The following MCU variants were observed in gnomAD, a reference collection of about 807,000 sequenced individuals.
MCU encodes mitochondrial calcium uniporter.
Under a neutral mutation model 45.2 loss-of-function variants are expected in MCU, and 12 were observed. That is an observed-to-expected ratio of 0.27 (90% CI 0.17 to 0.43). The LOEUF is 0.43. MCU is among the 20% of genes least tolerant of loss of function. The probability of loss-of-function intolerance (pLI) is 1.00; values close to 1 mark genes in which losing one functional copy is unlikely to be tolerated. For missense variants in MCU, 324 were observed against 436.7 expected, an observed-to-expected ratio of 0.74 and a Z score of 2.30; for synonymous variants, 160 against 165.1, an observed-to-expected ratio of 0.97 and a Z score of 0.24.
intron 1 of MCU, among the ~76,000 whole-genome samples, chr10:72,693,455 TCAATAAA>T (rs894790430): frequency 1.1e-4 from 17 of 152,254 alleles, no homozygotes; most frequent in African/African-American, 4.1e-4. Context: ...CCTTCAACCC[TCAATAAA>T]CACATCGCCT....
chr10:72,885,817 G>C lies in MCU; in HGVS notation c.1051G>C (p.Asp351His), dbSNP rs766307644. 6.2e-7 allele frequency: 1 copy of C among 1,613,240 alleles called. No individual in the cohort carries two copies. The highest frequency in any genetic ancestry group is 1.1e-5 in the South Asian group (1 of 91,042). Residue 351 changes from aspartate to histidine, a missense_variant, in exon 8 of 8, where the codon GAT (aspartate) becomes CAT (histidine). By Grantham distance (81) the Asp-to-His change is moderately conservative (BLOSUM62 -1). Around this residue, in one of 4 missense-constraint regions of MCU, gnomAD observed 76 missense variants for 99.4 expected, o/e 0.76. Coordinates refer to ENST00000373053, the MANE Select transcript of MCU (RefSeq NM_138357.3). ...GCCTCTCCGACAAATTGGTGAAAAAGATTGATCTGCAAAAAGCCTCTGAAT... is the reference window on the plus strand; with the variant it reads ...GCCTCTCCGACAAATTGGTGAAAAACATTGATCTGCAAAAAGCCTCTGAAT... ...HLPLRQIGEK[D>H]
intron 6 of MCU, 71 bp from the exon 7 acceptor site, chr10:72,884,195 G>C: frequency 1.1e-6 from 1 of 903,530 alleles, no homozygotes; most frequent in Non-Finnish European, 1.8e-6. Flanking sequence ...TTGAATCTAA[G>C]CAGCAGTTAG....
chr10:72,842,680 A>G (rs1845064827), intron 2 of MCU, among the ~76,000 whole-genome samples: 1 of 152,018 alleles, frequency 6.6e-6, no homozygotes, highest in Non-Finnish European at 1.5e-5. Context: ...ATTTCTTTTT[A>G]AAAACCAGGA....
intron 1 of MCU, among the ~76,000 whole-genome samples, chr10:72,761,144 T>C (rs1269700794): frequency 1.3e-5 from 2 of 152,196 alleles, no homozygotes; most frequent in South Asian, 2.1e-4. Context: ...ATGAAGTGAC[T>C]GAAGATTAGA....
At chr10:72,862,881 G>C (rs767216472) in intron 4 of MCU, among the ~76,000 whole-genome samples, 2 of 149,990 alleles carry the variant, frequency 1.3e-5, no homozygotes, top group Non-Finnish European at 1.5e-5. Context: ...CAACACAGTA[G>C]CAACCAGCCT....
intron 1 of MCU, among the ~76,000 whole-genome samples, chr10:72,735,226 G>A (rs1843237012): frequency 6.6e-6 from 1 of 151,974 alleles, no homozygotes; most frequent in Non-Finnish European, 1.5e-5. Context: ...CCTGGAACTG[G>A]CAATGAAAAT....
chr10:72,822,999 A>G (rs1844737675), intron 1 of MCU, among the ~76,000 whole-genome samples: 2 of 152,212 alleles, frequency 1.3e-5, no homozygotes, highest in South Asian at 4.1e-4. Flanking sequence ...GGACCCCACA[A>G]TTCTACTCCT....
At chr10:72,836,861 G>T (rs1157387581) in intron 2 of MCU, among the ~76,000 whole-genome samples, 1 of 152,100 alleles carries the variant, frequency 6.6e-6, no homozygotes, top group Non-Finnish European at 1.5e-5. Context: ...TGAGAAAACT[G>T]CTTAATCCAC....
intron 1 of MCU, among the ~76,000 whole-genome samples, chr10:72,705,063 A>G (rs576638298): frequency 1.3e-5 from 2 of 151,540 alleles, no homozygotes; most frequent in Admixed American, 6.6e-5. Flanking sequence ...GGGTCTTGCT[A>G]TGTTGCCCAG....
At chr10:72,863,607 C>A (rs1845411679) in intron 4 of MCU, among the ~76,000 whole-genome samples, 2 of 152,058 alleles carry the variant, frequency 1.3e-5, no homozygotes, top group African/African-American at 4.8e-5. Context: ...TATGTAGATA[C>A]AAGTCTATCT....
intron 6 of MCU, among the ~76,000 whole-genome samples, chr10:72,873,794 G>T (rs1275789840): frequency 6.6e-6 from 1 of 152,228 alleles, no homozygotes; most frequent in South Asian, 2.1e-4. Flanking sequence ...GAGAGAGGGG[G>T]ATCTACTTTC....
At chr10:72,866,442 G>C in intron 4 of MCU, among the ~76,000 whole-genome samples, 1 of 152,122 alleles carries the variant, frequency 6.6e-6, no homozygotes, top group Non-Finnish European at 1.5e-5. Flanking sequence ...TTTGTTTTGA[G>C]GCTGGAGTAC....
intron 4 of MCU, among the ~76,000 whole-genome samples, chr10:72,864,763 G>A (rs1564578403): frequency 6.6e-6 from 1 of 152,142 alleles, no homozygotes; most frequent in Non-Finnish European, 1.5e-5. Flanking sequence ...CAGATTTTTT[G>A]AAGTTGGAAT....
At chr10:72,863,566 T>C (rs898377315) in intron 4 of MCU, among the ~76,000 whole-genome samples, 2 of 152,190 alleles carry the variant, frequency 1.3e-5, no homozygotes, top group Non-Finnish European at 2.9e-5. Flanking sequence ...CCAAAAACAT[T>C]AAGAAAAGTA....
chr10:72,867,465 C>A (rs1024748628), intron 4 of MCU, among the ~76,000 whole-genome samples: 4 of 152,082 alleles, frequency 2.6e-5, no homozygotes, highest in Non-Finnish European at 4.4e-5. Context: ...ACCCTTTAGA[C>A]CATGATACTG....
intron 1 of MCU, among the ~76,000 whole-genome samples, chr10:72,807,415 A>G (rs1279486146): frequency 6.6e-6 from 1 of 151,804 alleles, no homozygotes; most frequent in Admixed American, 6.6e-5. Context: ...GGAAATGGCA[A>G]CTTTTAATGT....
chr10:72,702,506 G>GGA (rs1356089296), intron 1 of MCU, among the ~76,000 whole-genome samples: 8 of 152,166 alleles, frequency 5.3e-5, no homozygotes, highest in African/African-American at 1.7e-4. Context: ...CCAGGGCATT[G>GGA]GAGAGAGAGA....
chr10:72,741,769 C>A (rs969871983), intron 1 of MCU, among the ~76,000 whole-genome samples: 7 of 152,136 alleles, frequency 4.6e-5, no homozygotes, highest in African/African-American at 1.7e-4. Context: ...TGGCTCACGC[C>A]GGTAATCCCA....
At chr10:72,875,246 A>G (rs1845600437) in intron 6 of MCU, among the ~76,000 whole-genome samples, 1 of 152,208 alleles carries the variant, frequency 6.6e-6, no homozygotes, top group African/African-American at 2.4e-5. Flanking sequence ...TATAATTAGA[A>G]TAGATACAGA....
Sources: allele counts gnomAD v4.1 joint callset (sites outside exome capture counted in the v4.1 genomes callset), GRCh38; gene constraint gnomAD v4.1.1; regional missense constraint gnomAD v4.1.1; transcripts MANE v1.5; gene names NCBI Gene and HGNC (gene_info 2026-07-23, HGNC 2026-07-21).